Variants in ZFAT observed in about 807,000 individuals in gnomAD.
The protein encoded by ZFAT is zinc finger protein ZFAT.
In ZFAT, 64 loss-of-function variants were observed where a neutral mutation model predicts 117.7. The observed-to-expected ratio is 0.54, with a 90% confidence interval of 0.44 to 0.67. The LOEUF (loss-of-function observed/expected upper bound fraction) is 0.67. Ranked by LOEUF, ZFAT falls within the 30% of genes least tolerant of loss-of-function variation. The pLI is 0.00. For missense variants in ZFAT, 1,433 were observed against 1,584.5 expected (o/e 0.90, Z 1.62); for synonymous variants, 679 against 615.0 (o/e 1.10, Z -1.54).
At chr8:134,811,533 T>C in the ZFAT span, among the ~76,000 whole-genome samples, 6 of 152,188 alleles carry the variant, frequency 3.9e-5, no homozygotes, top group African/African-American at 1.4e-4. Context: ...GGAAACAATG[T>C]ATTTGGCAAG....
chr8:134,478,550 C>T lies in ZFAT; in HGVS notation c.3664G>A (p.Val1222Ile), dbSNP rs752506246. 9.4e-6 allele frequency: 15 copies of T among 1,594,096 alleles called. No individual in the cohort carries two copies. Among genetic ancestry groups the T allele is most frequent in the Admixed American group, 5.2e-5 (3 of 57,592 alleles). Reference protein sequence around the residue: ...TQGGEASEFIVYVQEAMQPVE... With the variant: ...TQGGEASEFIIYVQEAMQPVE... Reference sequence around the variant, plus strand: ...GGCTGCATGGCCTCCTGCACGTAGACGATGAACTCCGAGGCCTCCCCGCCC... The same window carrying T: ...GGCTGCATGGCCTCCTGCACGTAGATGATGAACTCCGAGGCCTCCCCGCCC... The change falls in exon 16 of 16, where the codon GTC becomes ATC. Residue 1222 changes from valine to isoleucine, a missense_variant. By Grantham distance (29) the Val-to-Ile change is conservative. Transcript: ENST00000377838. This position sits in a 1 kb window ranked among gnomAD's most constrained non-coding sequence, Gnocchi z 5.2.
chr8:134,588,881 A>G (rs910707397), intron 8 of ZFAT, among the ~76,000 whole-genome samples: 16 of 152,232 alleles, frequency 1.1e-4, no homozygotes, highest in African/African-American at 3.6e-4. Flanking sequence ...AGTTGATCCT[A>G]TTTGCTTTAC....
At chr8:134,715,988 A>C (rs1015084887), upstream of ZFAT, among the ~76,000 whole-genome samples, 8 of 152,112 alleles carry the variant, frequency 5.3e-5, no homozygotes, top group African/African-American at 1.9e-4. Flanking sequence ...TTGGCTGGGC[A>C]TGGTGGCTCA....
At chr8:134,786,100 T>C in the ZFAT span, among the ~76,000 whole-genome samples, 1 of 152,222 alleles carries the variant, frequency 6.6e-6, no homozygotes, top group Non-Finnish European at 1.5e-5. Flanking sequence ...TTCTTGCAGA[T>C]TGCTCTTATA....
chr8:134,606,540 C>T (rs1827898683), intron 5 of ZFAT, among the ~76,000 whole-genome samples: 1 of 151,952 alleles, frequency 6.6e-6, no homozygotes, highest in South Asian at 2.1e-4. Context: ...CATAGTGAAA[C>T]CCCAACTCTA....
chr8:134,574,024 G>GA (rs1331145599), intron 10 of ZFAT, among the ~76,000 whole-genome samples: 2 of 152,236 alleles, frequency 1.3e-5, no homozygotes, highest in Non-Finnish European at 2.9e-5. Flanking sequence ...GAGAAGGAAA[G>GA]AAGAAACAGG....
At chr8:134,770,029 T>A in the ZFAT span, among the ~76,000 whole-genome samples, 13 of 152,206 alleles carry the variant, frequency 8.5e-5, no homozygotes, top group African/African-American at 2.9e-4. Flanking sequence ...AACCACTTTT[T>A]CTTCCTAGGC....
At chr8:134,721,291 C>G in the ZFAT span, among the ~76,000 whole-genome samples, 3 of 152,164 alleles carry the variant, frequency 2.0e-5, no homozygotes, top group African/African-American at 4.8e-5. Context: ...CACCCGGGCC[C>G]GATGTGAAAT....
intron 1 of ZFAT, among the ~76,000 whole-genome samples, chr8:134,691,968 C>T (rs1833609684): frequency 1.3e-5 from 2 of 152,172 alleles, no homozygotes; most frequent in African/African-American, 4.8e-5. Flanking sequence ...AGCAATTCTC[C>T]TGCCTCAGCC....
intron 3 of ZFAT, among the ~76,000 whole-genome samples, chr8:134,627,618 C>T (rs1307346819): frequency 6.6e-6 from 1 of 152,174 alleles, no homozygotes; most frequent in African/African-American, 2.4e-5. Flanking sequence ...CTGGGCCACA[C>T]CACAGAGAAA....
chr8:134,767,335 G>C, the ZFAT span: 3 of 152,160 alleles, frequency 2.0e-5, no homozygotes, highest in East Asian at 5.8e-4. Flanking sequence ...TTTGCTTCAT[G>C]GGTTTTGGAG....
intron 11 of ZFAT, among the ~76,000 whole-genome samples, chr8:134,556,705 A>T (rs2130729854): frequency 6.6e-6 from 1 of 152,316 alleles, no homozygotes; most frequent in East Asian, 1.9e-4. Context: ...TATTTTTCAG[A>T]AATGAAGACC....
chr8:134,794,630 T>C, the ZFAT span: 1 of 152,234 alleles, frequency 6.6e-6, no homozygotes, highest in South Asian at 2.1e-4. Flanking sequence ...TTTTAATACA[T>C]AATGAAATAA....
chr8:134,501,115 A>G (rs2130272180), intron 15 of ZFAT, among the ~76,000 whole-genome samples: 1 of 152,366 alleles, frequency 6.6e-6, no homozygotes, highest in Non-Finnish European at 1.5e-5. Context: ...ACAAAGATCA[A>G]AAGGACTTGG....
intron 9 of ZFAT, among the ~76,000 whole-genome samples, chr8:134,584,954 G>A (rs1825965825): frequency 5.3e-5 from 8 of 152,230 alleles, no homozygotes; most frequent in Admixed American, 5.2e-4. Context: ...GGGGCGCAGA[G>A]CTGAGTTGCA....
the ZFAT span, among the ~76,000 whole-genome samples, chr8:134,725,448 C>T: frequency 1.3e-5 from 2 of 152,086 alleles, no homozygotes; most frequent in East Asian, 3.8e-4. Context: ...GGAATGGGCA[C>T]ATATTACATG....
the ZFAT span, among the ~76,000 whole-genome samples, chr8:134,805,813 C>G: frequency 5.9e-5 from 9 of 151,954 alleles, no homozygotes; most frequent in Admixed American, 2.0e-4. Flanking sequence ...AAAACCCTAC[C>G]TCTAAAAACA....
chr8:134,682,470 C>T (rs566477274), intron 1 of ZFAT, among the ~76,000 whole-genome samples: 3 of 152,152 alleles, frequency 2.0e-5, no homozygotes, highest in South Asian at 2.1e-4. Flanking sequence ...ACCTAAGGGA[C>T]ATGGCGAAAC....
At chr8:134,499,377 G>T (rs1435612120) in intron 15 of ZFAT, among the ~76,000 whole-genome samples, 3 of 137,754 alleles carry the variant, frequency 2.2e-5, no homozygotes, top group Non-Finnish European at 3.1e-5. Flanking sequence ...CCTGATTTGG[G>T]AGGGTTGTGG....
Sources: allele counts gnomAD v4.1 joint callset (sites outside exome capture counted in the v4.1 genomes callset), GRCh38; gene constraint gnomAD v4.1.1; non-coding constraint Gnocchi (gnomAD v3.1); transcripts MANE v1.5; gene names NCBI Gene and HGNC (gene_info 2026-07-23, HGNC 2026-07-21).